Variants in OPCML observed in about 807,000 individuals in gnomAD.
OPCML encodes the protein opioid-binding protein/cell adhesion molecule.
In OPCML, 13 loss-of-function variants were observed where a neutral mutation model predicts 37.8. That is an observed-to-expected ratio of 0.34 (90% confidence interval 0.22 to 0.55). The LOEUF is 0.55. Among genes scored for constraint, OPCML ranks in the 20% least tolerant of loss-of-function variants. The probability of loss-of-function intolerance (pLI) is 0.91; values close to 1 mark genes in which losing one functional copy is unlikely to be tolerated. For missense variants in OPCML, 341 were observed against 435.6 expected, an observed-to-expected ratio of 0.78 and a Z score of 1.93; for synonymous variants, 176 against 168.8, an observed-to-expected ratio of 1.04 and a Z score of -0.33.
At chr11:132,480,269 G>A (rs2096174819) in intron 4 of OPCML, among the ~76,000 whole-genome samples, 1 of 152,210 alleles carries the variant, frequency 6.6e-6, no homozygotes, top group Non-Finnish European at 1.5e-5. Context: ...AAGGATATCA[G>A]TGATGGAAGA....
chr11:133,305,820 C>T (rs1942900944), intron 1 of OPCML, among the ~76,000 whole-genome samples: 1 of 152,094 alleles, frequency 6.6e-6, no homozygotes. Context: ...CAAGTGGGAG[C>T]CAAGATCAAT....
chr11:132,571,216 G>A (rs1387711568), intron 3 of OPCML, among the ~76,000 whole-genome samples: 3 of 151,974 alleles, frequency 2.0e-5, no homozygotes, highest in African/African-American at 2.4e-5. Context: ...TTGCTGGGGG[G>A]TCTCGGGCCT....
intron 2 of OPCML, among the ~76,000 whole-genome samples, chr11:132,819,878 T>C (rs1939871160): frequency 6.6e-6 from 1 of 152,136 alleles, no homozygotes; most frequent in Non-Finnish European, 1.5e-5. Context: ...GCTGTGCTGT[T>C]TGTGATGCTC....
chr11:133,364,465 A>G (rs373181072), intron 1 of OPCML, among the ~76,000 whole-genome samples: 1 of 152,216 alleles, frequency 6.6e-6, no homozygotes, highest in African/African-American at 2.4e-5. Flanking sequence ...AAAGACAGAA[A>G]TTAATAGTTC....
At chr11:133,372,376 T>G (rs1944694235) in intron 1 of OPCML, among the ~76,000 whole-genome samples, 1 of 152,172 alleles carries the variant, frequency 6.6e-6, no homozygotes, top group Non-Finnish European at 1.5e-5. Context: ...TAGCTCAATT[T>G]TTTCATCTGA....
intron 1 of OPCML, among the ~76,000 whole-genome samples, chr11:133,517,925 G>A (rs1215168697): frequency 6.6e-6 from 1 of 151,710 alleles, no homozygotes; most frequent in African/African-American, 2.4e-5. Flanking sequence ...TGGGCAAGGA[G>A]GATGACTGGG....
At chr11:133,230,788 G>C (rs912249267) in intron 1 of OPCML, among the ~76,000 whole-genome samples, 2 of 152,150 alleles carry the variant, frequency 1.3e-5, no homozygotes, top group African/African-American at 4.8e-5. Flanking sequence ...GTCTACTTTC[G>C]CAAAGTGCCG....
intron 1 of OPCML, among the ~76,000 whole-genome samples, chr11:132,945,520 G>A (rs534493847): frequency 2.6e-5 from 4 of 151,772 alleles, no homozygotes; most frequent in South Asian, 2.1e-4. Flanking sequence ...GTGAGCGGGT[G>A]GGGAATGGAG....
chr11:132,628,911 G>A (rs891478661), intron 3 of OPCML, among the ~76,000 whole-genome samples: 1 of 152,112 alleles, frequency 6.6e-6, no homozygotes, highest in East Asian at 1.9e-4. Context: ...CGCCACAATT[G>A]TTAAGTTTCC....
intron 1 of OPCML, among the ~76,000 whole-genome samples, chr11:133,191,002 T>C (rs907066151): frequency 1.3e-5 from 2 of 152,188 alleles, no homozygotes; most frequent in African/African-American, 4.8e-5. Flanking sequence ...TCTGGTTATG[T>C]CTCGGGGTGG....
chr11:133,498,677 C>T (rs1206891103), intron 1 of OPCML, among the ~76,000 whole-genome samples: 1 of 152,156 alleles, frequency 6.6e-6, no homozygotes, highest in Non-Finnish European at 1.5e-5. Flanking sequence ...CTTATTGGAA[C>T]CAAAGTCCAG....
At chr11:132,429,336 G>C (rs1410969596) in intron 7 of OPCML, among the ~76,000 whole-genome samples, 1 of 152,230 alleles carries the variant, frequency 6.6e-6, no homozygotes, top group Admixed American at 6.5e-5. Flanking sequence ...GATTGCCGAA[G>C]AAAGATGAGG....
chr11:132,900,388 C>T (rs940364344), intron 2 of OPCML, among the ~76,000 whole-genome samples: 31 of 152,228 alleles, frequency 2.0e-4, no homozygotes, highest in Admixed American at 1.1e-3. Flanking sequence ...CCATTTCCAC[C>T]CATCACTGTA....
chr11:132,462,244 T>C (rs1225555585), intron 4 of OPCML, among the ~76,000 whole-genome samples: 1 of 152,106 alleles, frequency 6.6e-6, no homozygotes, highest in Non-Finnish European at 1.5e-5. Flanking sequence ...CACTTTTTGG[T>C]GATCAGAGGT....
chr11:133,069,587 T>C (rs1010129478), intron 1 of OPCML, among the ~76,000 whole-genome samples: 9 of 152,132 alleles, frequency 5.9e-5, no homozygotes, highest in Non-Finnish European at 1.0e-4. Flanking sequence ...CAAATGTGAA[T>C]GCAAATGGGG....
chr11:133,167,199 G>A (rs375197567), intron 1 of OPCML, among the ~76,000 whole-genome samples: 1 of 152,118 alleles, frequency 6.6e-6, no homozygotes, highest in Non-Finnish European at 1.5e-5. Flanking sequence ...TTTCTCCAGC[G>A]TGCTTCCTCA....
intron 1 of OPCML, among the ~76,000 whole-genome samples, chr11:133,159,061 C>A (rs1950107193): frequency 6.6e-6 from 1 of 152,156 alleles, no homozygotes. Context: ...GTCTTTCCTG[C>A]CTTTTCTTCT....
At position 132,539,024 on chromosome 11, in the gene OPCML, C is replaced by T. The variant is rs184588533; in HGVS notation, c.380-9838G>A. ...GTGTTCCATGACAACATATGTATAA[C>T]GATGTAATATATTCATTGAAAACAT... is the stretch of plus-strand genomic sequence containing the variant. On this transcript the variant is annotated intron_variant, in intron 3 of 7. Transcript: ENST00000524381. Among the ~76,000 whole-genome samples the T allele has an allele frequency of 1.6e-3, 249 of 152,232 alleles. 1 individual carries two copies. Among genetic ancestry groups the T allele is most frequent in the African/African-American group, 5.4e-3 (225 of 41,542 alleles).
intron 1 of OPCML, among the ~76,000 whole-genome samples, chr11:133,500,069 A>C (rs1947879499): frequency 6.6e-6 from 1 of 151,722 alleles, no homozygotes; most frequent in African/African-American, 2.4e-5. Flanking sequence ...ACGGGGTTTC[A>C]CCATCTTGGC....
Sources: allele counts gnomAD v4.1 joint callset (sites outside exome capture counted in the v4.1 genomes callset), GRCh38; gene constraint gnomAD v4.1.1; transcripts MANE v1.5; gene names NCBI Gene and HGNC (gene_info 2026-07-23, HGNC 2026-07-21).